The following CACNB2 variants were observed in gnomAD, a reference collection of about 807,000 sequenced individuals.
CACNB2 encodes the protein voltage-dependent L-type calcium channel subunit beta-2.
CACNB2 carries 42 observed loss-of-function variants against 73.3 expected under a neutral mutation model. The ratio of observed to expected loss-of-function variants is 0.57; its 90% CI spans 0.45 to 0.74. The LOEUF is 0.74. Among genes scored for constraint, CACNB2 ranks in the 30% least tolerant of loss-of-function variants. CACNB2 has a pLI of 0.00. For missense variants in CACNB2, 940 were observed against 853.0 expected (o/e 1.10, Z -1.27); for synonymous variants, 348 against 310.3 (o/e 1.12, Z -1.28).
chr10:18,460,113 C>T (rs1350352862), intron 3 of CACNB2, among the ~76,000 whole-genome samples: 1 of 152,158 alleles, frequency 6.6e-6, no homozygotes. Context: ...CACGTACACA[C>T]ATATTCTCAA....
intron 5 of CACNB2, 67 bp downstream of exon 5, chr10:18,501,015 G>A: frequency 2.1e-6 from 3 of 1,414,608 alleles, no homozygotes; most frequent in Non-Finnish European, 3.0e-6. Context: ...ACTGTTGTCT[G>A]CTGTATTCTG....
intron 2 of CACNB2, among the ~76,000 whole-genome samples, chr10:18,168,063 A>T (rs544886806): frequency 4.3e-4 from 55 of 128,274 alleles, no homozygotes; most frequent in African/African-American, 1.5e-3. Flanking sequence ...TATATTCCCT[A>T]TTGCTGGGTT....
At chr10:18,194,189 C>T (rs2131281000) in intron 2 of CACNB2, among the ~76,000 whole-genome samples, 1 of 152,266 alleles carries the variant, frequency 6.6e-6, no homozygotes, top group South Asian at 2.1e-4. Flanking sequence ...TCCAGGTTTT[C>T]ACAGTCATCT....
chr10:18,296,008 T>G (rs1446202487), intron 2 of CACNB2, among the ~76,000 whole-genome samples: 2 of 148,100 alleles, frequency 1.4e-5, no homozygotes, highest in East Asian at 3.9e-4. Flanking sequence ...GTTTTTTTTT[T>G]TTTTTTTTTT....
At chr10:18,298,758 A>C (rs911683713) in intron 2 of CACNB2, among the ~76,000 whole-genome samples, 23 of 152,226 alleles carry the variant, frequency 1.5e-4, no homozygotes, top group Non-Finnish European at 2.4e-4. Flanking sequence ...GTTCAACTGC[A>C]CTGTGAGAGG....
rs139925630 is a variant in CACNB2, at chr10:18,218,070, C to A, written c.213+67095C>A. Among the ~76,000 whole-genome samples the A allele has an allele frequency of 4.4e-3, 673 of 152,230 alleles. 6 individuals carry two copies. Among genetic ancestry groups the A allele is most frequent in the African/African-American group, 0.015 (638 of 41,532 alleles). The stretch of plus-strand genomic sequence containing the variant: ...GACATTCTAAAGGTTTGGGGGAGAA[C>A]TGAATTCTAACAGATGGTGCACACT... On this transcript the variant is annotated intron_variant, in intron 2 of 13. Transcript: ENST00000324631.
intron 6 of CACNB2, among the ~76,000 whole-genome samples, chr10:18,509,523 G>A (rs535122858): frequency 3.3e-5 from 5 of 152,108 alleles, no homozygotes; most frequent in African/African-American, 4.8e-5. Flanking sequence ...AATTGTTCTC[G>A]GTGCCATGGT....
intron 2 of CACNB2, among the ~76,000 whole-genome samples, chr10:18,368,516 C>T (rs995580503): frequency 1.3e-5 from 2 of 152,052 alleles, no homozygotes; most frequent in African/African-American, 4.8e-5. Flanking sequence ...AATTTTCAAA[C>T]TATTTAAGAG....
intron 2 of CACNB2, among the ~76,000 whole-genome samples, chr10:18,277,983 C>A (rs1348358668): frequency 6.6e-6 from 1 of 152,048 alleles, no homozygotes. Flanking sequence ...TGGCTCAAAT[C>A]TTGGATTTAA....
rs567241384 is a variant in CACNB2 at position 18,354,642 on chromosome 10, C to T, written c.214-47282C>T. On this transcript the variant is annotated intron_variant, in intron 2 of 13. Transcript: ENST00000324631. ...TTGTATGTTTGTTTCTCAATTACAACTATAGGGATGGGGGAACTATCTTTA... is the reference window on the plus strand; with the variant it reads ...TTGTATGTTTGTTTCTCAATTACAATTATAGGGATGGGGGAACTATCTTTA... 3.9e-5 allele frequency among the ~76,000 whole-genome samples: 6 copies of T among 152,216 alleles called. No individual in the cohort carries two copies. The East Asian group carries it at 7.7e-4, about 20-fold the overall frequency.
intron 11 of CACNB2, among the ~76,000 whole-genome samples, chr10:18,535,006 A>G (rs1215688931): frequency 6.6e-6 from 1 of 152,216 alleles, no homozygotes; most frequent in African/African-American, 2.4e-5. Flanking sequence ...ACTTGTATGC[A>G]TCTCTGAGAA....
At chr10:18,215,209 T>A (rs1564349456) in intron 2 of CACNB2, among the ~76,000 whole-genome samples, 1 of 152,202 alleles carries the variant, frequency 6.6e-6, no homozygotes, top group Non-Finnish European at 1.5e-5. Context: ...GTGTGTTTAT[T>A]TCACAAGTAG....
chr10:18,268,620 C>A (rs542541854), intron 2 of CACNB2, among the ~76,000 whole-genome samples: 2 of 152,104 alleles, frequency 1.3e-5, no homozygotes, highest in Non-Finnish European at 2.9e-5. Flanking sequence ...TACCAGTATA[C>A]GAACAGCACA....
chr10:18,394,092 C>T (rs1051101095), intron 2 of CACNB2, among the ~76,000 whole-genome samples: 13 of 152,104 alleles, frequency 8.5e-5, no homozygotes, highest in Non-Finnish European at 1.8e-4. Context: ...CAAGCGCCCA[C>T]CACCATGCCT....
At chr10:18,169,192 T>TG (rs1397756430) in intron 2 of CACNB2, among the ~76,000 whole-genome samples, 49 of 112,086 alleles carry the variant, frequency 4.4e-4, no homozygotes, top group Middle Eastern at 4.5e-3. Context: ...TTGGCATATA[T>TG]ATTTTTAAAA....
intron 2 of CACNB2, among the ~76,000 whole-genome samples, chr10:18,286,467 G>A (rs906594705): frequency 7.8e-6 from 1 of 128,976 alleles, no homozygotes; most frequent in Non-Finnish European, 1.6e-5. Context: ...GCAGCAAGCC[G>A]AGATAGCGCC....
At chr10:18,450,494 T>C (rs765963256) in intron 3 of CACNB2, among the ~76,000 whole-genome samples, 17 of 152,094 alleles carry the variant, frequency 1.1e-4, no homozygotes, top group Non-Finnish European at 2.1e-4. Flanking sequence ...GCAGAGAAGA[T>C]GTGGGCCGTA....
intron 2 of CACNB2, among the ~76,000 whole-genome samples, chr10:18,274,683 C>T (rs538101029): frequency 6.6e-6 from 1 of 152,076 alleles, no homozygotes; most frequent in East Asian, 1.9e-4. Context: ...TTTAAATAAC[C>T]TTTGGTCAAT....
Position 18,539,276 on chromosome 10 carries a change from C to A in CACNB2, c.1535C>A (p.Ser512Tyr). The change falls in exon 14 of 14, where the codon TCT becomes TAT. Residue 512 changes from serine (S) to tyrosine (Y), a missense_variant. Physicochemically the swap from Ser to Tyr is moderately radical, Grantham distance 144. Transcript: ENST00000324631. Reference protein sequence around the residue: ...QRTDRSAPIRSASQAEEEPSV... With the variant: ...QRTDRSAPIRYASQAEEEPSV... ...ACTGATCGCTCCGCTCCTATCCGTT[C>A]TGCTTCCCAAGCTGAAGAAGAACCT... 6.2e-7 allele frequency: 1 copy of A among 1,613,944 alleles called. No homozygotes were observed. Among genetic ancestry groups the A allele is most frequent in the South Asian group, 1.1e-5 (1 of 91,072 alleles).
Sources: allele counts gnomAD v4.1 joint callset (sites outside exome capture counted in the v4.1 genomes callset), GRCh38; gene constraint gnomAD v4.1.1; transcripts MANE v1.5; gene names NCBI Gene and HGNC (gene_info 2026-07-23, HGNC 2026-07-21).